WIPI1: variants seen among roughly 807,000 people sequenced by gnomAD.
WIPI1 encodes WD repeat domain, phosphoinositide interacting 1.
WIPI1 carries 45 observed loss-of-function variants against 55.3 expected under a neutral mutation model. The ratio of observed to expected loss-of-function variants is 0.81; its 90% confidence interval spans 0.64 to 1.04. WIPI1 has a LOEUF of 1.04. Ranked by LOEUF, WIPI1 falls within the 50% of genes least tolerant of loss-of-function variation. WIPI1 has a pLI of 0.00. For synonymous variants in WIPI1, 195 were observed against 217.6 expected (o/e 0.90, Z 0.92); for missense variants, 445 against 559.0 (o/e 0.80, Z 2.06).
chr17:68,451,311 G>A (rs1467000033), intron 2 of WIPI1, among the ~76,000 whole-genome samples: 2 of 152,184 alleles, frequency 1.3e-5, no homozygotes, highest in African/African-American at 4.8e-5. Context: ...GTGCACACCT[G>A]TAATCTCAGC....
chr17:68,445,052 C>G (rs1041949898), intron 3 of WIPI1, among the ~76,000 whole-genome samples: 2 of 151,636 alleles, frequency 1.3e-5, no homozygotes, highest in Admixed American at 6.6e-5. Flanking sequence ...TCCTGAGTAG[C>G]TGGGATTACA....
intron 4 of WIPI1, among the ~76,000 whole-genome samples, chr17:68,439,278 T>A (rs1469876786): frequency 6.6e-6 from 1 of 152,218 alleles, no homozygotes; most frequent in East Asian, 1.9e-4. Flanking sequence ...TATATTTTTA[T>A]AATAGAATAT....
At chr17:68,451,536 T>C (rs978033195) in intron 2 of WIPI1, among the ~76,000 whole-genome samples, 16 of 152,246 alleles carry the variant, frequency 1.1e-4, no homozygotes, top group Non-Finnish European at 1.5e-5. Flanking sequence ...CTCCAGACCC[T>C]AGGGCTCCAC....
intron 8 of WIPI1, among the ~76,000 whole-genome samples, chr17:68,432,837 T>G (rs950704740): frequency 6.6e-6 from 1 of 152,230 alleles, no homozygotes; most frequent in Non-Finnish European, 1.5e-5. Context: ...CACTGGGGGC[T>G]GCTCCTTTCT....
chr17:68,430,419 T>G (rs1250824383), intron 8 of WIPI1, among the ~76,000 whole-genome samples: 2 of 152,166 alleles, frequency 1.3e-5, no homozygotes, highest in East Asian at 3.8e-4. Context: ...TTTCCCCTAT[T>G]AAAGAAGGCT....
At chr17:68,432,564 C>T (rs568150193) in intron 8 of WIPI1, among the ~76,000 whole-genome samples, 11 of 152,142 alleles carry the variant, frequency 7.2e-5, no homozygotes, top group Non-Finnish European at 1.3e-4. Context: ...ATAAGGTGCC[C>T]GGCCTCTGTC....
intron 4 of WIPI1, among the ~76,000 whole-genome samples, chr17:68,439,159 T>C (rs751135186): frequency 6.6e-6 from 1 of 152,124 alleles, no homozygotes; most frequent in Non-Finnish European, 1.5e-5. Context: ...ATTTAACATA[T>C]GTCCACACAA....
intron 2 of WIPI1, among the ~76,000 whole-genome samples, chr17:68,452,438 G>A (rs112517153): frequency 0.085 from 12,907 of 152,222 alleles, 783 homozygotes; most frequent in African/African-American, 0.17. Context: ...GGTGGCATGT[G>A]CCTGTAATCT....
intron 12 of WIPI1, 147 bp from the exon 13 acceptor site, chr17:68,421,967 C>T: frequency 1.1e-6 from 1 of 880,754 alleles, no homozygotes; most frequent in Non-Finnish European, 1.9e-6. Flanking sequence ...CTCATGGCCA[C>T]AGAATGGTCA....
intron 3 of WIPI1, among the ~76,000 whole-genome samples, chr17:68,446,682 A>G (rs2084298677): frequency 6.6e-6 from 1 of 152,136 alleles, no homozygotes; most frequent in African/African-American, 2.4e-5. Flanking sequence ...TTCTGTTCAG[A>G]GGTTTCTGAT....
At chr17:68,426,251 G>GGGGGGGGGC in intron 11 of WIPI1, 76 bp from the exon 12 acceptor site, 1 of 825,460 alleles carries the variant, frequency 1.2e-6, no homozygotes, top group Non-Finnish European at 1.9e-6. Context: ...GTGGGGAGCG[G>GGGGGGGGGC]GGGCTCAAAT....
intron 3 of WIPI1, among the ~76,000 whole-genome samples, chr17:68,446,899 C>T (rs1273736608): frequency 3.3e-5 from 5 of 152,148 alleles, no homozygotes; most frequent in South Asian, 2.1e-4. Context: ...TAAGACTAAA[C>T]GCAGAGGGAA....
intron 7 of WIPI1, among the ~76,000 whole-genome samples, chr17:68,433,838 G>A (rs1046849227): frequency 8.5e-5 from 11 of 129,342 alleles, no homozygotes; most frequent in South Asian, 2.5e-4. Context: ...GCTGGAGTAC[G>A]GTGGCTTGAT....
intron 12 of WIPI1, among the ~76,000 whole-genome samples, chr17:68,424,081 G>GA (rs1417033767): frequency 5.3e-5 from 8 of 152,172 alleles, no homozygotes; most frequent in Non-Finnish European, 8.8e-5. Context: ...GGGTGCAGAA[G>GA]AACGCCCTTT....
intron 4 of WIPI1, among the ~76,000 whole-genome samples, chr17:68,438,748 G>A (rs1478709997): frequency 2.0e-5 from 3 of 152,154 alleles, no homozygotes; most frequent in African/African-American, 7.2e-5. Flanking sequence ...TTACAGGCGT[G>A]TGCCACCACG....
At chr17:68,439,389 T>C (rs2083977034) in intron 4 of WIPI1, among the ~76,000 whole-genome samples, 1 of 152,158 alleles carries the variant, frequency 6.6e-6, no homozygotes, top group African/African-American at 2.4e-5. Context: ...GGAACCGATA[T>C]TGTATGAGTC....
chr17:68,455,277 C>T (rs561277794), intron 1 of WIPI1, among the ~76,000 whole-genome samples: 16 of 150,756 alleles, frequency 1.1e-4, no homozygotes, highest in Non-Finnish European at 1.5e-4. Flanking sequence ...ACAGGAGAAT[C>T]GCTTGAACCC....
rs1416141510 is a variant in WIPI1 at position 68,443,995 on chromosome 17, G to A, written c.430+498C>T. Among the ~76,000 whole-genome samples, 5 of 152,304 alleles carry A rather than the reference G, an allele frequency of 3.3e-5. No homozygotes were observed. The East Asian group carries it at 9.6e-4, about 29-fold the overall frequency. On this transcript the variant is annotated intron_variant, in intron 4 of 12. Transcript: ENST00000262139. Reference sequence around the variant, plus strand: ...AATAGTGTTAAATCCCGAGAATTCAGTAAGGTTTAATATCCTAGCATATCG... The same window carrying A: ...AATAGTGTTAAATCCCGAGAATTCAATAAGGTTTAATATCCTAGCATATCG...
intron 3 of WIPI1, among the ~76,000 whole-genome samples, chr17:68,448,743 A>G (rs930995506): frequency 7.9e-5 from 12 of 152,228 alleles, no homozygotes; most frequent in Non-Finnish European, 1.3e-4. Context: ...AACCTTGTAT[A>G]CGGATTACTA....
Sources: gnomAD v4.1 joint callset for allele counts (sites outside exome capture counted in the v4.1 genomes callset) on GRCh38, gnomAD v4.1.1 for gene constraint, MANE v1.5 for transcripts, NCBI Gene and HGNC (gene_info 2026-07-23, HGNC 2026-07-21) for gene names.